Variants in GRIA4 observed in about 807,000 individuals in gnomAD.
GRIA4 encodes glutamate ionotropic receptor AMPA type subunit 4.
Under a neutral mutation model 104.0 loss-of-function variants are expected in GRIA4, and 34 were observed. The observed-to-expected ratio is 0.33, with a 90% CI of 0.25 to 0.44. The LOEUF is 0.44. Ranked by LOEUF, GRIA4 falls within the 20% of genes least tolerant of loss-of-function variation. The pLI, the probability that GRIA4 is intolerant of heterozygous loss-of-function variation, is 1.00. For synonymous variants in GRIA4, 386 were observed against 381.9 expected (o/e 1.01, Z -0.13); for missense variants, 750 against 1,096.5 (o/e 0.68, Z 4.46).
intron 14 of GRIA4, among the ~76,000 whole-genome samples, chr11:105,968,842 A>T (rs1193025603): frequency 6.6e-6 from 1 of 152,200 alleles, no homozygotes; most frequent in Non-Finnish European, 1.5e-5. Flanking sequence ...ACTTTGGTTA[A>T]CCTAGTATGG....
intron 3 of GRIA4, among the ~76,000 whole-genome samples, chr11:105,664,000 T>C (rs1952089781): frequency 6.6e-6 from 1 of 150,958 alleles, no homozygotes. Context: ...ATATTTACCT[T>C]GCAGGGTTGT....
chr11:105,870,554 A>C (rs1179752904), intron 5 of GRIA4, among the ~76,000 whole-genome samples: 1 of 152,048 alleles, frequency 6.6e-6, no homozygotes, highest in Admixed American at 6.6e-5. Context: ...GTACAAAAAA[A>C]AAAAAGACAG....
At chr11:105,975,016 A>C (rs1265053517) in intron 16 of GRIA4, 1 of 162,394 alleles carries the variant, frequency 6.2e-6, no homozygotes, top group Non-Finnish European at 1.4e-5. Flanking sequence ...ATACATGTAA[A>C]AACTCCAAGG....
intron 3 of GRIA4, among the ~76,000 whole-genome samples, chr11:105,652,658 A>G (rs1951716729): frequency 6.6e-6 from 1 of 152,034 alleles, no homozygotes; most frequent in Admixed American, 6.6e-5. Flanking sequence ...TTTTATGACA[A>G]TATTTTATGA....
At chr11:105,865,746 A>T (rs1049616990) in intron 5 of GRIA4, among the ~76,000 whole-genome samples, 12 of 152,190 alleles carry the variant, frequency 7.9e-5, no homozygotes, top group African/African-American at 2.9e-4. Flanking sequence ...TTATCAATTG[A>T]ACATTGAAGT....
chr11:105,931,209 C>G (rs1325941445), intron 13 of GRIA4, among the ~76,000 whole-genome samples: 1 of 151,668 alleles, frequency 6.6e-6, no homozygotes, highest in African/African-American at 2.4e-5. Flanking sequence ...TATAGAATCA[C>G]TGAAATTTTC....
chr11:105,720,666 A>G (rs975240802), intron 3 of GRIA4, among the ~76,000 whole-genome samples: 2 of 152,166 alleles, frequency 1.3e-5, no homozygotes, highest in African/African-American at 4.8e-5. Flanking sequence ...TATGTTATAA[A>G]TTAGTGCATT....
At chr11:105,761,019 C>T (rs904622507) in intron 4 of GRIA4, among the ~76,000 whole-genome samples, 8 of 152,108 alleles carry the variant, frequency 5.3e-5, no homozygotes, top group South Asian at 2.1e-4. Context: ...TCAAATATTC[C>T]GCATTTTTAT....
chr11:105,896,650 T>G (rs890052430), intron 6 of GRIA4, among the ~76,000 whole-genome samples: 3 of 152,240 alleles, frequency 2.0e-5, no homozygotes, highest in African/African-American at 7.2e-5. Context: ...TTCCCCAATA[T>G]TATTTATTGA....
intron 14 of GRIA4, among the ~76,000 whole-genome samples, chr11:105,963,779 A>G (rs1948796986): frequency 2.0e-5 from 3 of 152,052 alleles, no homozygotes; most frequent in Non-Finnish European, 2.9e-5. Flanking sequence ...TTTTTTCCTT[A>G]TCCATTCCTT....
At chr11:105,680,870 C>T (rs1565459175) in intron 3 of GRIA4, among the ~76,000 whole-genome samples, 1 of 152,146 alleles carries the variant, frequency 6.6e-6, no homozygotes, top group Non-Finnish European at 1.5e-5. Context: ...AACTCACCTC[C>T]TTGCAAGCAG....
At chr11:105,864,389 T>C (rs1322494453) in intron 5 of GRIA4, among the ~76,000 whole-genome samples, 1 of 152,154 alleles carries the variant, frequency 6.6e-6, no homozygotes, top group Non-Finnish European at 1.5e-5. Context: ...ACATCCTTTT[T>C]CATAAATTAA....
intron 3 of GRIA4, among the ~76,000 whole-genome samples, chr11:105,747,657 T>C (rs1349251892): frequency 6.6e-6 from 1 of 152,170 alleles, no homozygotes; most frequent in African/African-American, 2.4e-5. Context: ...ACCTAGTAGA[T>C]AGTTTACTAT....
At chr11:105,646,078 T>G (rs1951518991) in intron 3 of GRIA4, among the ~76,000 whole-genome samples, 1 of 152,178 alleles carries the variant, frequency 6.6e-6, no homozygotes, top group Non-Finnish European at 1.5e-5. Context: ...TGTACAGGAA[T>G]TGAGGGAAAC....
chr11:105,624,287 A>G (rs1950829312), intron 3 of GRIA4, among the ~76,000 whole-genome samples: 1 of 152,100 alleles, frequency 6.6e-6, no homozygotes, highest in Admixed American at 6.6e-5. Context: ...TGCATATAAC[A>G]TTTAGTGTCT....
intron 4 of GRIA4, among the ~76,000 whole-genome samples, chr11:105,763,444 A>T (rs1940764928): frequency 6.6e-6 from 1 of 152,170 alleles, no homozygotes; most frequent in South Asian, 2.1e-4. Context: ...AAATAGACTC[A>T]TCTATTTATG....
chr11:105,781,519 A>T (rs1256034798), intron 4 of GRIA4, among the ~76,000 whole-genome samples: 2 of 151,878 alleles, frequency 1.3e-5, no homozygotes, highest in Non-Finnish European at 2.9e-5. Flanking sequence ...TTTTATTTTG[A>T]TTCACAATTT....
chr11:105,667,259 A>G (rs1395197522), intron 3 of GRIA4, among the ~76,000 whole-genome samples: 2 of 152,018 alleles, frequency 1.3e-5, no homozygotes, highest in Non-Finnish European at 2.9e-5. Context: ...TTTAATGTTT[A>G]TTAGAGGTTA....
chr11:105,755,637 A>G (rs1410046223), intron 4 of GRIA4, among the ~76,000 whole-genome samples: 2 of 152,182 alleles, frequency 1.3e-5, no homozygotes, highest in Non-Finnish European at 2.9e-5. Context: ...CTAGTAAAAC[A>G]TTATTTCTGA....
Sources: allele counts gnomAD v4.1 joint callset (sites outside exome capture counted in the v4.1 genomes callset), GRCh38; gene constraint gnomAD v4.1.1; transcripts MANE v1.5; gene names NCBI Gene and HGNC (gene_info 2026-07-23, HGNC 2026-07-21).